R3HDM1: variants seen among roughly 807,000 people sequenced by gnomAD.
The protein encoded by R3HDM1 is R3H domain-containing protein 1.
R3HDM1 carries 46 observed loss-of-function variants against 141.1 expected under a neutral mutation model. The ratio of observed to expected loss-of-function variants is 0.33; its 90% CI spans 0.26 to 0.42. The LOEUF is 0.42. R3HDM1 is among the 10% of genes least tolerant of loss of function. The pLI is 1.00. For missense variants in R3HDM1, 1,184 were observed against 1,368.3 expected, an observed-to-expected ratio of 0.87 and a Z score of 2.12; for synonymous variants, 435 against 472.9, an observed-to-expected ratio of 0.92 and a Z score of 1.04.
At chr2:135,683,520 C>T (rs1249438091) in intron 21 of R3HDM1, among the ~76,000 whole-genome samples, 1 of 149,462 alleles carries the variant, frequency 6.7e-6, no homozygotes, top group African/African-American at 2.5e-5. Context: ...TGCCACTGCA[C>T]TCCAGCCTGG....
chr2:135,532,452 T>G (rs1235322454), intron 1 of R3HDM1, among the ~76,000 whole-genome samples: 3 of 152,156 alleles, frequency 2.0e-5, no homozygotes, highest in Non-Finnish European at 4.4e-5. Context: ...ATTGGGACTA[T>G]CATGCTCCGT....
At chr2:135,596,547 C>T (rs2059209436) in intron 1 of R3HDM1, among the ~76,000 whole-genome samples, 1 of 152,146 alleles carries the variant, frequency 6.6e-6, no homozygotes, top group South Asian at 2.1e-4. Flanking sequence ...TCATTTCCCT[C>T]TCCAGAGGTA....
At position 135,602,504 on chromosome 2, in the gene R3HDM1, C is replaced by T; in HGVS notation, c.-245C>T. On this transcript the variant is annotated 5_prime_UTR_variant, in exon 2 of 27. The change creates a new upstream start codon in the 5' untranslated region. Coordinates refer to ENST00000683871, the MANE Select transcript of R3HDM1 (RefSeq NM_001378107.1). The stretch of plus-strand genomic sequence containing the variant: ...TTTCTTTTGTTTTCATTTTAGGCCA[C>T]GGAAAGGTATGATATATTTGATCCA... The T allele has an allele frequency of 7.9e-7, 1 of 1,273,058 alleles. No homozygotes were observed. The highest frequency in any genetic ancestry group is 1.5e-5 in the African/African-American group (1 of 64,874). The allele number at this position is 1,273,058 out of a possible 1,614,324, so 78.9% of individuals were successfully genotyped here. A position where few individuals can be genotyped will look rare whatever the true frequency, so the allele number is the denominator to read the frequency against.
intron 1 of R3HDM1, among the ~76,000 whole-genome samples, chr2:135,551,721 G>T (rs895864541): frequency 6.6e-6 from 1 of 152,214 alleles, no homozygotes; most frequent in African/African-American, 2.4e-5. Flanking sequence ...TTCCTAGAGT[G>T]ATTGCTGTTT....
At chr2:135,683,662 T>C (rs184061322) in intron 21 of R3HDM1, among the ~76,000 whole-genome samples, 339 of 152,192 alleles carry the variant, frequency 2.2e-3, no homozygotes, top group African/African-American at 5.9e-3. Context: ...GAAAATGTCA[T>C]TTCTGCTTCT....
At chr2:135,646,882 A>C (rs2064504991) in intron 16 of R3HDM1, among the ~76,000 whole-genome samples, 1 of 97,640 alleles carries the variant, frequency 1.0e-5, no homozygotes, top group Non-Finnish European at 1.7e-5. Flanking sequence ...AGTATCCCTT[A>C]AAAAAAAAAA....
chr2:135,590,511 C>T (rs1574127648), intron 1 of R3HDM1: 2 of 962,620 alleles, frequency 2.1e-6, no homozygotes, highest in Non-Finnish European at 2.5e-6. Context: ...ATGTGGTAGA[C>T]ATAGCTAGGA....
chr2:135,615,958 A>G (rs1371226636), intron 3 of R3HDM1, among the ~76,000 whole-genome samples, 194 bp from the exon 4 acceptor site: 2 of 152,222 alleles, frequency 1.3e-5, no homozygotes, highest in African/African-American at 4.8e-5. Context: ...ATGCCAACCT[A>G]TCAGGATTTT....
chr2:135,566,818 C>T (rs893570398), intron 1 of R3HDM1: 6 of 956,880 alleles, frequency 6.3e-6, no homozygotes, highest in South Asian at 4.8e-5. Flanking sequence ...TACAAAAATA[C>T]GAAAATTAGC....
At chr2:135,652,626 G>A (rs539022407) in intron 18 of R3HDM1, among the ~76,000 whole-genome samples, 1 of 152,180 alleles carries the variant, frequency 6.6e-6, no homozygotes, top group African/African-American at 2.4e-5. Context: ...AATATTTTTG[G>A]TTGTACTATC....
In R3HDM1 at chr2:135,602,516, A is replaced by G; in HGVS notation, c.-233A>G. On this transcript the variant is annotated 5_prime_UTR_variant, in exon 2 of 27. Coordinates refer to ENST00000683871, the MANE Select transcript of R3HDM1 (RefSeq NM_001378107.1). ...TCATTTTAGGCCACGGAAAGGTATGATATATTTGATCCAAGACAGTCCATT... is the reference window on the plus strand; with the variant it reads ...TCATTTTAGGCCACGGAAAGGTATGGTATATTTGATCCAAGACAGTCCATT... The G allele has an allele frequency of 7.6e-7, 1 of 1,321,690 alleles. No individual in the cohort carries two copies. Among genetic ancestry groups the G allele is most frequent in the Non-Finnish European group, 9.7e-7 (1 of 1,029,292 alleles). 81.9% of individuals were successfully genotyped at this position (1,321,690 alleles called of 1,614,324 possible). A position where few individuals can be genotyped will look rare whatever the true frequency, so the allele number is the denominator to read the frequency against.
intron 3 of R3HDM1, among the ~76,000 whole-genome samples, chr2:135,609,400 G>C (rs9679373): frequency 6.6e-6 from 1 of 152,108 alleles, no homozygotes; most frequent in Non-Finnish European, 1.5e-5. Context: ...GAAGTTAACT[G>C]TCCCACATAA....
chr2:135,597,608 T>G (rs1316941546), intron 1 of R3HDM1, among the ~76,000 whole-genome samples: 1 of 152,184 alleles, frequency 6.6e-6, no homozygotes, highest in African/African-American at 2.4e-5. Flanking sequence ...GCCTGCTTGG[T>G]TATATTTCTG....
At chr2:135,669,188 A>G (rs1274377783) in intron 19 of R3HDM1, 5 of 984,968 alleles carry the variant, frequency 5.1e-6, no homozygotes, top group Non-Finnish European at 6.0e-6. Flanking sequence ...CATCAGTAGT[A>G]AACCACGCAT....
At chr2:135,674,052 G>A (rs543952068) in intron 19 of R3HDM1, among the ~76,000 whole-genome samples, 1 of 152,260 alleles carries the variant, frequency 6.6e-6, no homozygotes, top group East Asian at 1.9e-4. Context: ...GATCATAGGT[G>A]TAAGCCACCA....
chr2:135,593,439 G>A (rs1462955614), intron 1 of R3HDM1, among the ~76,000 whole-genome samples: 2 of 152,142 alleles, frequency 1.3e-5, no homozygotes, highest in African/African-American at 4.8e-5. Context: ...TAATGGCCCT[G>A]ACTTTCTTGC....
At chr2:135,560,396 A>G (rs1052355021) in intron 1 of R3HDM1, among the ~76,000 whole-genome samples, 18 of 152,184 alleles carry the variant, frequency 1.2e-4, no homozygotes, top group African/African-American at 3.4e-4. Context: ...GCTCACTGCA[A>G]ACGGCCTCCC....
intron 21 of R3HDM1, among the ~76,000 whole-genome samples, chr2:135,685,491 T>C (rs2071172871): frequency 6.6e-6 from 1 of 152,234 alleles, no homozygotes; most frequent in Non-Finnish European, 1.5e-5. Context: ...CATTCACATT[T>C]AATATTACAA....
At chr2:135,586,125 G>A (rs1047860615) in intron 1 of R3HDM1, 2 of 152,150 alleles carry the variant, frequency 1.3e-5, no homozygotes, top group Admixed American at 6.5e-5. Context: ...AGGCATTGTT[G>A]TGCAACAATA....
Sources: gnomAD v4.1 joint callset for allele counts (sites outside exome capture counted in the v4.1 genomes callset) on GRCh38, gnomAD v4.1.1 for gene constraint, MANE v1.5 for transcripts, NCBI Gene and HGNC (gene_info 2026-07-23, HGNC 2026-07-21) for gene names.